The following USP7 variants were observed in gnomAD, a reference collection of about 807,000 sequenced individuals.
USP7 encodes the protein ubiquitin specific peptidase 7, also known as ubiquitin C-terminal hydrolase 7.
A neutral mutation model predicts 162.9 loss-of-function variants in USP7; 9 were observed. The ratio of observed to expected loss-of-function variants is 0.06; its 90% CI spans 0.03 to 0.10. The LOEUF is 0.10. Ranked by LOEUF, USP7 falls within the 10% of genes least tolerant of loss-of-function variation. The pLI, the probability that USP7 is intolerant of heterozygous loss-of-function variation, is 1.00. For synonymous variants in USP7, 562 were observed against 475.9 expected (o/e 1.18, Z -2.35); for missense variants, 715 against 1,373.7 (o/e 0.52, Z 7.58).
At chr16:8,913,507 T>C (rs575115465) in intron 10 of USP7, among the ~76,000 whole-genome samples, 10 of 152,086 alleles carry the variant, frequency 6.6e-5, no homozygotes, top group Admixed American at 3.3e-4. Context: ...AAGAAGACGG[T>C]AGAACGTCTA....
At position 8,899,102 on chromosome 16, in the gene USP7, G is replaced by C; in HGVS notation, c.2531+19C>G. The C allele has an allele frequency of 6.2e-7, 1 of 1,613,686 alleles. No homozygotes were observed. The highest frequency in any genetic ancestry group is 8.5e-7 in the Non-Finnish European group (1 of 1,179,704). On this transcript the variant is annotated intron_variant, in intron 23 of 30. Coordinates refer to ENST00000344836, the MANE Select transcript of USP7 (RefSeq NM_003470.3). ...AGCATGCAGTCAAGACCAAGCAAGT[G>C]TCCACACATGTGACCTACCCTTGAG...
At chr16:8,926,117 G>A (rs1897973262) in intron 2 of USP7, among the ~76,000 whole-genome samples, 1 of 149,578 alleles carries the variant, frequency 6.7e-6, no homozygotes, top group Non-Finnish European at 1.5e-5. Flanking sequence ...TCGCGCCACT[G>A]CACTCTAGCC....
rs1567248165 is a variant in USP7 at position 8,953,521 on chromosome 16, T to TGCCCCATGCGGCGCCACC, written c.79+9685_79+9686insGGTGGCGCCGCATGGGGC. Among the ~76,000 whole-genome samples the TGCCCCATGCGGCGCCACC allele has an allele frequency of 2.7e-5, 3 of 111,478 alleles. 1 individual carries two copies. The highest frequency in any genetic ancestry group is 7.2e-5 in the African/African-American group (2 of 27,800). The allele number at this position is 111,478 out of a possible 152,430, so 73.1% of individuals were successfully genotyped here. Reference sequence around the variant, plus strand: ...AGACACGTGCCCCATGCGGTGCCACTGGAAGCAGAGGGAAGACACGTGCCC... The same window carrying TGCCCCATGCGGCGCCACC: ...AGACACGTGCCCCATGCGGTGCCACTGCCCCATGCGGCGCCACCGGAAGCAGAGGGAAGACACGTGCCC... On this transcript the variant is annotated intron_variant, in intron 1 of 30. Transcript: ENST00000344836.
At chr16:8,926,086 G>A (rs550154511) in intron 2 of USP7, among the ~76,000 whole-genome samples, 6 of 151,640 alleles carry the variant, frequency 4.0e-5, no homozygotes, top group Admixed American at 3.9e-4. Flanking sequence ...CCCGGGAGGC[G>A]AAGCTTGCAG....
At position 8,939,144 on chromosome 16, in the gene USP7, T is replaced by G. The variant is rs545647555; in HGVS notation, c.80-8747A>C. On this transcript the variant is annotated intron_variant, in intron 1 of 30. Coordinates refer to ENST00000344836, the MANE Select transcript of USP7 (RefSeq NM_003470.3). Reference sequence around the variant, plus strand: ...TTACATGTACTTACGTGTATTTAGTTCTCTACAATTTTATTTACTGTGTAG... The same window carrying G: ...TTACATGTACTTACGTGTATTTAGTGCTCTACAATTTTATTTACTGTGTAG... 3.9e-5 allele frequency among the ~76,000 whole-genome samples: 6 copies of G among 152,320 alleles called. 1 individual carries two copies. The South Asian group carries it at 1.2e-3, about 32-fold the overall frequency.
chr16:8,897,375 T>C (rs1301618894), intron 25 of USP7: 1 of 398,906 alleles, frequency 2.5e-6, no homozygotes, highest in East Asian at 4.8e-5. Flanking sequence ...TCTCAGGAAA[T>C]GGTCCCGAGG....
At position 8,899,327 on chromosome 16, in the gene USP7, T is replaced by C. The variant is rs1183294830; in HGVS notation, c.2464-139A>G. On this transcript the variant is annotated intron_variant, in intron 22 of 30. Coordinates refer to ENST00000344836, the MANE Select transcript of USP7 (RefSeq NM_003470.3). ...AAATTTATTAAACAGGAATAAACTATATTATTCCTTAATGAATCACCATGG... is the reference window on the plus strand; with the variant it reads ...AAATTTATTAAACAGGAATAAACTACATTATTCCTTAATGAATCACCATGG... 6.0e-6 allele frequency: 5 copies of C among 834,092 alleles called. No homozygotes were observed. The East Asian group carries it at 8.0e-5, about 13-fold the overall frequency. The allele number at this position is 834,092 out of a possible 1,614,324, so 51.7% of individuals were successfully genotyped here.
intron 1 of USP7, chr16:8,935,493 G>C (rs1435750801): frequency 1.3e-5 from 2 of 152,178 alleles, no homozygotes; most frequent in African/African-American, 4.8e-5. Context: ...TTACAGGCGT[G>C]GGCCACCATG....
At position 8,915,534 on chromosome 16, in the gene USP7, G is replaced by C. The variant is rs369447614; in HGVS notation, c.907-9C>G. On this transcript the variant is annotated splice_polypyrimidine_tract_variant and intron_variant, in intron 8 of 30. Transcript: ENST00000344836. ...TCCACATTATCGAGCAACTGAAAAAGAATGTTTTGGCTTTAAAAAAACTTT... is the reference window on the plus strand; with the variant it reads ...TCCACATTATCGAGCAACTGAAAAACAATGTTTTGGCTTTAAAAAAACTTT... 82 of 1,611,620 alleles carry C rather than the reference G, an allele frequency of 5.1e-5. 1 individual carries two copies. In the East Asian group the frequency reaches 6.9e-4, roughly 14 times the overall value.
chr16:8,900,539 A>G lies in USP7; in HGVS notation c.2300T>C (p.Val767Ala). Reference protein sequence around the residue: ...LDELMDGDIIVFQKDDPENDN... With the variant: ...LDELMDGDIIAFQKDDPENDN... ...TTCACAAAGTACATACTTCTGAAAT[A>G]CTATGATGTCACCATCCATTAGTTC... The change falls in exon 21 of 31, where the codon GTA (valine) becomes GCA (alanine). Residue 767 changes from valine (V) to alanine (A), a missense_variant. Val to Ala is a moderately conservative substitution (Grantham distance 64, BLOSUM62 0). Coordinates refer to ENST00000344836, the MANE Select transcript of USP7 (RefSeq NM_003470.3). 6.2e-7 allele frequency: 1 copy of G among 1,604,808 alleles called. No homozygotes were observed. Among genetic ancestry groups the G allele is most frequent in the Non-Finnish European group, 8.5e-7 (1 of 1,175,698 alleles).
chr16:8,920,735 G>T (rs1276785259), intron 4 of USP7, among the ~76,000 whole-genome samples: 1 of 152,154 alleles, frequency 6.6e-6, no homozygotes, highest in African/African-American at 2.4e-5. Context: ...GGGAGGGGCT[G>T]GAGAATGCAA....
At chr16:8,955,218 T>G (rs1309093110) in intron 1 of USP7, among the ~76,000 whole-genome samples, 1 of 152,252 alleles carries the variant, frequency 6.6e-6, no homozygotes, top group African/African-American at 2.4e-5. Context: ...ATGGCTCGTT[T>G]TTTTACATAT....
chr16:8,902,393 G>A lies in USP7; in HGVS notation c.1929C>T (p.Asp643=). The A allele has an allele frequency of 1.2e-6, 2 of 1,613,834 alleles. No homozygotes were observed. The highest frequency in any genetic ancestry group is 1.3e-5 in the African/African-American group (1 of 74,982). ...TAACAATATTTACTGTTTTATTGCC[G>A]TCGGCTTCATTATCTAACATTGCTG... is the stretch of plus-strand genomic sequence containing the variant. ...KRPAMLDNEA[D]GNKTMIELSD... The change falls in exon 17 of 31, where the codon GAC becomes GAT. Residue 643 remains aspartate, a synonymous_variant. Coordinates refer to ENST00000344836, the MANE Select transcript of USP7 (RefSeq NM_003470.3).
intron 1 of USP7, among the ~76,000 whole-genome samples, chr16:8,938,815 C>T (rs1898896997): frequency 6.6e-6 from 1 of 152,066 alleles, no homozygotes; most frequent in Non-Finnish European, 1.5e-5. Flanking sequence ...ATTTACATAG[C>T]ATTTACACTG....
chr16:8,934,767 C>T (rs1452607678), intron 1 of USP7, among the ~76,000 whole-genome samples: 2 of 152,190 alleles, frequency 1.3e-5, no homozygotes, highest in Admixed American at 1.3e-4. Flanking sequence ...GGCAAAGGGC[C>T]ACTGGTTGGC....
At chr16:8,894,134 CCA>C (rs1418834261) in intron 30 of USP7, 30 bp from the exon 31 acceptor site, 7 of 1,597,966 alleles carry the variant, frequency 4.4e-6, no homozygotes, top group Non-Finnish European at 6.0e-6. Context: ...GCAAGTGAGG[CCA>C]CAGAGCAGCC....
At position 8,893,974 on chromosome 16, in the gene USP7, G is replaced by C; in HGVS notation, c.*24C>G. 2 of 1,609,432 alleles carry C rather than the reference G, an allele frequency of 1.2e-6. No individual in the cohort carries two copies. The highest frequency in any genetic ancestry group is 1.7e-6 in the Non-Finnish European group (2 of 1,175,746). On this transcript the variant is annotated 3_prime_UTR_variant, in exon 31 of 31. Coordinates refer to ENST00000344836, the MANE Select transcript of USP7 (RefSeq NM_003470.3). ...AAGGGGCCACCCACACACCGTCCTC[G>C]CCTTGAACACACCAGCTTGGAAATC...
intron 8 of USP7, 119 bp downstream of exon 8, chr16:8,916,383 G>T: frequency 1.9e-6 from 2 of 1,080,284 alleles, no homozygotes; most frequent in South Asian, 1.7e-5. Flanking sequence ...GCCTAAGTCT[G>T]ATCCTAAACA....
At chr16:8,909,224 G>T (rs1054443189) in intron 11 of USP7, among the ~76,000 whole-genome samples, 3 of 152,172 alleles carry the variant, frequency 2.0e-5, no homozygotes, top group African/African-American at 7.2e-5. Context: ...CCACGGCCAG[G>T]CGGTCAGGGG....
Sources: allele counts gnomAD v4.1 joint callset (sites outside exome capture counted in the v4.1 genomes callset), GRCh38; gene constraint gnomAD v4.1.1; transcripts MANE v1.5; gene names NCBI Gene and HGNC (gene_info 2026-07-23, HGNC 2026-07-21).